The following BICD1 variants were observed in gnomAD, a reference collection of about 807,000 sequenced individuals.
BICD1 encodes the protein BICD cargo adaptor 1.
A neutral mutation model predicts 92.5 loss-of-function variants in BICD1; 35 were observed. The observed-to-expected ratio is 0.38, with a 90% confidence interval of 0.29 to 0.50. The LOEUF is 0.50. Ranked by LOEUF, BICD1 falls within the 20% of genes least tolerant of loss-of-function variation. The pLI, the probability that BICD1 is intolerant of heterozygous loss-of-function variation, is 0.93. For missense variants in BICD1, 950 were observed against 1,189.8 expected (o/e 0.80, Z 2.97); for synonymous variants, 429 against 465.1 (o/e 0.92, Z 1.00).
intron 2 of BICD1, among the ~76,000 whole-genome samples, chr12:32,253,796 GC>G (rs1946628100): frequency 1.3e-5 from 2 of 151,812 alleles, no homozygotes; most frequent in Admixed American, 1.3e-4. Context: ...CATATTCACT[GC>G]CAAATCCCAC....
At chr12:32,347,182 C>T (rs1488973326) in intron 8 of BICD1, among the ~76,000 whole-genome samples, 4 of 151,532 alleles carry the variant, frequency 2.6e-5, no homozygotes, top group African/African-American at 9.7e-5. Context: ...AATTCCTGAC[C>T]TCAGTTGATC....
intron 8 of BICD1, among the ~76,000 whole-genome samples, chr12:32,343,906 G>A (rs1440691728): frequency 2.0e-5 from 3 of 152,194 alleles, no homozygotes; most frequent in Non-Finnish European, 4.4e-5. Context: ...CAAGCAAGTA[G>A]ATATTTGTTT....
At chr12:32,374,912 T>TC (rs1939881323) in intron 9 of BICD1, among the ~76,000 whole-genome samples, 2 of 58,124 alleles carry the variant, frequency 3.4e-5, no homozygotes, top group African/African-American at 1.4e-4. Context: ...TTATTTTCCT[T>TC]TTTTTTTTTT....
At chr12:32,212,669 C>T (rs1592486175) in intron 1 of BICD1, among the ~76,000 whole-genome samples, 1 of 152,196 alleles carries the variant, frequency 6.6e-6, no homozygotes, top group East Asian at 1.9e-4. Context: ...AGTGATCCAC[C>T]ACCTCAGCCT....
chr12:32,277,914 A>G (rs1179705110), intron 2 of BICD1, among the ~76,000 whole-genome samples: 1 of 152,124 alleles, frequency 6.6e-6, no homozygotes, highest in Non-Finnish European at 1.5e-5. Context: ...CATTATCTCC[A>G]TTTTTGCTCA....
rs1214294156 is a variant in BICD1 at position 32,281,409 on chromosome 12, G to A, written c.427-12585G>A. ...ACATTACTGCCCAACAGAGAATTGG[G>A]CTTGCCTCATTGCAATTTCAGAAGA... On this transcript the variant is annotated intron_variant, in intron 2 of 9. Coordinates refer to ENST00000652176, the MANE Select transcript of BICD1 (RefSeq NM_001714.4). Among the ~76,000 whole-genome samples the A allele has an allele frequency of 4.6e-5, 7 of 152,224 alleles. 1 individual carries two copies. Among genetic ancestry groups the A allele is most frequent in the Non-Finnish European group, 8.8e-5 (6 of 68,012 alleles).
chr12:32,323,895 A>G (rs1016492315), intron 4 of BICD1, among the ~76,000 whole-genome samples: 35 of 152,214 alleles, frequency 2.3e-4, no homozygotes, highest in African/African-American at 8.4e-4. Context: ...AAAGTCTCTT[A>G]CTGTTGGTTA....
chr12:32,115,390 T>G (rs1256220782), intron 1 of BICD1, among the ~76,000 whole-genome samples: 2 of 150,232 alleles, frequency 1.3e-5, no homozygotes, highest in African/African-American at 4.9e-5. Flanking sequence ...GTTTTTGGTT[T>G]TTTTTTTTTT....
intron 2 of BICD1, among the ~76,000 whole-genome samples, chr12:32,234,667 CTTTCTTTTTTTTTTTTTT>C (rs1432773569): frequency 1.4e-5 from 2 of 138,510 alleles, no homozygotes; most frequent in Non-Finnish European, 3.1e-5. Context: ...CTTTTTTTTT[CTTTCTTTTTTTTTTTTTT>C]TTTCTGGAGT....
intron 4 of BICD1, among the ~76,000 whole-genome samples, chr12:32,306,970 T>C (rs1046294768): frequency 9.3e-5 from 14 of 151,168 alleles, no homozygotes; most frequent in African/African-American, 3.2e-4. Flanking sequence ...TGAGCCGAGA[T>C]CGCCATTGCA....
intron 1 of BICD1, among the ~76,000 whole-genome samples, chr12:32,176,841 C>T (rs1944102865): frequency 6.6e-6 from 1 of 152,076 alleles, no homozygotes; most frequent in African/African-American, 2.4e-5. Flanking sequence ...AGTCATTTTT[C>T]ATTTGTAGTT....
chr12:32,212,181 TTAAC>T (rs765382781), intron 1 of BICD1, among the ~76,000 whole-genome samples: 15 of 151,420 alleles, frequency 9.9e-5, no homozygotes, highest in Non-Finnish European at 2.2e-4. Context: ...CTAAGGCAGT[TTAAC>T]TAAGACATGG....
intron 2 of BICD1, among the ~76,000 whole-genome samples, chr12:32,229,808 A>G (rs1379442251): frequency 6.6e-6 from 1 of 152,150 alleles, no homozygotes; most frequent in African/African-American, 2.4e-5. Flanking sequence ...TTTAAGATGG[A>G]AGAAATAACA....
At chr12:32,282,589 G>A (rs187883408) in intron 2 of BICD1, among the ~76,000 whole-genome samples, 2 of 152,090 alleles carry the variant, frequency 1.3e-5, no homozygotes, top group Non-Finnish European at 2.9e-5. Flanking sequence ...TCATCAGCAC[G>A]CAAGGAGGTA....
intron 2 of BICD1, among the ~76,000 whole-genome samples, chr12:32,263,251 T>A (rs1946902900): frequency 6.6e-6 from 1 of 152,012 alleles, no homozygotes. Context: ...TTGGTGAACA[T>A]TTTAAAATAA....
chr12:32,179,388 A>C (rs1372784806), intron 1 of BICD1, among the ~76,000 whole-genome samples: 2 of 152,062 alleles, frequency 1.3e-5, no homozygotes, highest in Non-Finnish European at 2.9e-5. Flanking sequence ...TTACAAAGAG[A>C]AACTTGGTAT....
At chr12:32,226,076 C>T (rs1251031920) in intron 2 of BICD1, among the ~76,000 whole-genome samples, 1 of 152,184 alleles carries the variant, frequency 6.6e-6, no homozygotes, top group Admixed American at 6.5e-5. Context: ...AGTGTCTTTT[C>T]AAGACTTTTG....
chr12:32,279,102 C>A (rs1947352173), intron 2 of BICD1, among the ~76,000 whole-genome samples: 1 of 152,150 alleles, frequency 6.6e-6, no homozygotes, highest in Admixed American at 6.5e-5. Context: ...TGTTTAAAAT[C>A]TTACAGTTTC....
chr12:32,208,703 T>C (rs1343132823), intron 1 of BICD1, among the ~76,000 whole-genome samples: 1 of 152,248 alleles, frequency 6.6e-6, no homozygotes, highest in African/African-American at 2.4e-5. Flanking sequence ...GACTCTTTGC[T>C]GCTGGAATAT....
Sources: allele counts gnomAD v4.1 joint callset (sites outside exome capture counted in the v4.1 genomes callset), GRCh38; gene constraint gnomAD v4.1.1; transcripts MANE v1.5; gene names NCBI Gene and HGNC (gene_info 2026-07-23, HGNC 2026-07-21).